The following ADISSP variants were observed in gnomAD, a reference collection of about 807,000 sequenced individuals.
ADISSP encodes the protein adipose secreted signaling protein.
At chr20:3,755,897 A>T in the ADISSP span, among the ~76,000 whole-genome samples, 1 of 152,220 alleles carries the variant, frequency 6.6e-6, no homozygotes, top group Non-Finnish European at 1.5e-5. Flanking sequence ...GGAAAATGGA[A>T]ACCACAAAAT....
chr20:3,760,046 C>T, the ADISSP span: 16 of 1,613,140 alleles, frequency 9.9e-6, no homozygotes, highest in Non-Finnish European at 1.3e-5. Flanking sequence ...ACCGGAAGAG[C>T]TTGTGCAAGT....
chr20:3,757,705 T>C, the ADISSP span, among the ~76,000 whole-genome samples: 1 of 152,144 alleles, frequency 6.6e-6, no homozygotes, highest in Non-Finnish European at 1.5e-5. Context: ...CTCAGCTCAC[T>C]GCAACCTCAG....
chr20:3,763,820 GC>G, the ADISSP span, among the ~76,000 whole-genome samples: 1 of 152,234 alleles, frequency 6.6e-6, no homozygotes, highest in South Asian at 2.1e-4. Flanking sequence ...CTGGTGCCAA[GC>G]TGCTCTGGGA....
chr20:3,759,966 C>CA, the ADISSP span: 2 of 1,430,700 alleles, frequency 1.4e-6, no homozygotes, highest in Admixed American at 3.8e-5. The surrounding 1 kb of genome is among the most constrained non-coding windows in gnomAD (Gnocchi z 4.6). Context: ...CACACGCACT[C>CA]ACACATGCAC....
the ADISSP span, among the ~76,000 whole-genome samples, chr20:3,761,090 C>A: frequency 6.6e-6 from 1 of 152,228 alleles, no homozygotes; most frequent in African/African-American, 2.4e-5. Context: ...AGAATTCAGC[C>A]TGTCTCTTGG....
At chr20:3,762,878 G>A in the ADISSP span, among the ~76,000 whole-genome samples, 1 of 151,786 alleles carries the variant, frequency 6.6e-6, no homozygotes, top group East Asian at 1.9e-4. Flanking sequence ...TAATCTTCAG[G>A]ACAACTGACC....
the ADISSP span, among the ~76,000 whole-genome samples, chr20:3,757,879 C>G: frequency 3.3e-5 from 5 of 152,202 alleles, no homozygotes; most frequent in South Asian, 2.1e-4. Flanking sequence ...GCAGACCCCC[C>G]ACTCAGGGCC....
At chr20:3,755,806 C>A in the ADISSP span, among the ~76,000 whole-genome samples, 1 of 152,120 alleles carries the variant, frequency 6.6e-6, no homozygotes, top group Non-Finnish European at 1.5e-5. Flanking sequence ...CTTGAGGGTC[C>A]CAGCCCTACA....
At chr20:3,754,966 C>T in the ADISSP span, among the ~76,000 whole-genome samples, 5 of 152,084 alleles carry the variant, frequency 3.3e-5, no homozygotes, top group Non-Finnish European at 5.9e-5. Context: ...AGGCTGGTGA[C>T]GGGGACATGA....
At chr20:3,757,784 A>G in the ADISSP span, among the ~76,000 whole-genome samples, 1 of 152,046 alleles carries the variant, frequency 6.6e-6, no homozygotes, top group Non-Finnish European at 1.5e-5. Context: ...GTGCGCCACC[A>G]CGCTCAGCTA....
the ADISSP span, chr20:3,758,574 T>C: frequency 1.2e-5 from 20 of 1,613,874 alleles, no homozygotes; most frequent in Non-Finnish European, 1.6e-5. The surrounding 1 kb of genome is among the most constrained non-coding windows in gnomAD (Gnocchi z 5.5). Context: ...TGGGTGACCA[T>C]GACCACCGAG....
At chr20:3,757,222 C>T in the ADISSP span, among the ~76,000 whole-genome samples, 114 of 152,016 alleles carry the variant, frequency 7.5e-4, no homozygotes, top group Middle Eastern at 3.4e-3. Context: ...TGGTGGCACG[C>T]GCCTGTAATC....
chr20:3,759,374 C>T, the ADISSP span, among the ~76,000 whole-genome samples: 1 of 152,164 alleles, frequency 6.6e-6, no homozygotes, highest in Admixed American at 6.5e-5. This position sits in a 1 kb window ranked among gnomAD's most constrained non-coding sequence, Gnocchi z 4.6. Context: ...TGAGCTGGGT[C>T]GGGTTCTCCA....
chr20:3,754,663 G>A, the ADISSP span: 2 of 821,720 alleles, frequency 2.4e-6, no homozygotes, highest in Non-Finnish European at 3.9e-6. Flanking sequence ...CCCTTCTGGA[G>A]CCCAGAGACC....
chr20:3,766,958 T>TC, the ADISSP span, among the ~76,000 whole-genome samples: 2 of 151,858 alleles, frequency 1.3e-5, no homozygotes, highest in Admixed American at 6.6e-5. Context: ...ATCCAGTCCC[T>TC]CCTCCTTCAT....
At chr20:3,765,127 C>G in the ADISSP span, among the ~76,000 whole-genome samples, 1 of 152,256 alleles carries the variant, frequency 6.6e-6, no homozygotes, top group African/African-American at 2.4e-5. Flanking sequence ...CCAAAGGAAA[C>G]TGGGAAAACC....
chr20:3,758,607 G>C, the ADISSP span: 4 of 1,613,996 alleles, frequency 2.5e-6, no homozygotes, highest in Non-Finnish European at 2.5e-6. The surrounding 1 kb of genome is among the most constrained non-coding windows in gnomAD (Gnocchi z 5.5). Flanking sequence ...TCATCAAAGT[G>C]GACGTGGCTG....
At chr20:3,755,684 G>A in the ADISSP span, 8 of 1,314,934 alleles carry the variant, frequency 6.1e-6, no homozygotes, top group Admixed American at 7.4e-5. Context: ...TGCCACCTAT[G>A]ATCCCATGCG....
At chr20:3,763,401 A>T in the ADISSP span, among the ~76,000 whole-genome samples, 1 of 151,664 alleles carries the variant, frequency 6.6e-6, no homozygotes, top group Non-Finnish European at 1.5e-5. Flanking sequence ...CTACTAAAAA[A>T]TACAAAATTA....
Sources: gnomAD v4.1 joint callset for allele counts (sites outside exome capture counted in the v4.1 genomes callset) on GRCh38, gnomAD v4.1.1 for gene constraint, Gnocchi (gnomAD v3.1) non-coding constraint, MANE v1.5 for transcripts, NCBI Gene and HGNC (gene_info 2026-07-23, HGNC 2026-07-21) for gene names.